The following KHDRBS2 variants were observed in gnomAD, a reference collection of about 807,000 sequenced individuals.
KHDRBS2 encodes the protein KH RNA binding domain containing, signal transduction associated 2.
Under a neutral mutation model 44.3 loss-of-function variants are expected in KHDRBS2, and 26 were observed. The observed-to-expected ratio is 0.59, with a 90% CI of 0.43 to 0.81. KHDRBS2 has a LOEUF of 0.81. Ranked by LOEUF, KHDRBS2 falls within the 40% of genes least tolerant of loss-of-function variation. KHDRBS2 has a pLI of 0.00. For missense variants in KHDRBS2, 476 were observed against 433.1 expected, an observed-to-expected ratio of 1.10 and a Z score of -0.88; for synonymous variants, 194 against 151.1, an observed-to-expected ratio of 1.28 and a Z score of -2.08.
At chr6:61,578,133 G>A in the KHDRBS2 span, among the ~76,000 whole-genome samples, 1 of 152,104 alleles carries the variant, frequency 6.6e-6, no homozygotes, top group Non-Finnish European at 1.5e-5. Flanking sequence ...AACACTCAGA[G>A]CAAGAGAAGG....
intron 3 of KHDRBS2, among the ~76,000 whole-genome samples, chr6:62,046,291 A>T (rs1454668786): frequency 6.6e-6 from 1 of 151,982 alleles, no homozygotes; most frequent in Non-Finnish European, 1.5e-5. Flanking sequence ...AAATGTCCAA[A>T]TATATGAGAA....
chr6:62,278,435 A>AT, intron 1 of KHDRBS2, among the ~76,000 whole-genome samples: 1 of 152,300 alleles, frequency 6.6e-6, no homozygotes, highest in African/African-American at 2.4e-5. Flanking sequence ...GTACCAGGCC[A>AT]TAAAAAAACC....
At chr6:62,243,448 T>C (rs1437047707) in intron 1 of KHDRBS2, among the ~76,000 whole-genome samples, 4 of 152,014 alleles carry the variant, frequency 2.6e-5, no homozygotes, top group Admixed American at 2.6e-4. Flanking sequence ...ATCAAAATGA[T>C]CACACTGCTA....
At chr6:62,148,482 C>A (rs1271524983) in intron 2 of KHDRBS2, among the ~76,000 whole-genome samples, 1 of 151,820 alleles carries the variant, frequency 6.6e-6, no homozygotes, top group African/African-American at 2.4e-5. Context: ...TCCATCATAA[C>A]CACTGTGAAA....
At chr6:62,194,324 A>G (rs992951205) in intron 1 of KHDRBS2, among the ~76,000 whole-genome samples, 1 of 151,528 alleles carries the variant, frequency 6.6e-6, no homozygotes, top group African/African-American at 2.4e-5. Flanking sequence ...TGAAATGACT[A>G]TTTTTTTCCA....
chr6:62,132,292 T>C (rs543775677), intron 2 of KHDRBS2, among the ~76,000 whole-genome samples: 12 of 152,346 alleles, frequency 7.9e-5, no homozygotes, highest in African/African-American at 2.9e-4. Context: ...GAAGATGTCA[T>C]GTAGGACACC....
At chr6:61,772,861 A>G (rs966674762) in intron 6 of KHDRBS2, among the ~76,000 whole-genome samples, 13 of 151,926 alleles carry the variant, frequency 8.6e-5, no homozygotes, top group Non-Finnish European at 1.8e-4. Context: ...TAATTGTTCA[A>G]TTCCCACCTA....
the KHDRBS2 span, among the ~76,000 whole-genome samples, chr6:61,662,293 C>T: frequency 8.6e-5 from 13 of 151,572 alleles, no homozygotes; most frequent in Non-Finnish European, 1.6e-4. Flanking sequence ...ACCATAAAAA[C>T]CCTAGAAGAA....
At chr6:62,095,165 G>GA in intron 2 of KHDRBS2, among the ~76,000 whole-genome samples, 1 of 151,652 alleles carries the variant, frequency 6.6e-6, no homozygotes, top group South Asian at 2.1e-4. Flanking sequence ...TTCTACATCT[G>GA]AAAAAGAAAT....
chr6:61,989,177 C>G (rs1261177788), intron 3 of KHDRBS2, among the ~76,000 whole-genome samples: 1 of 152,086 alleles, frequency 6.6e-6, no homozygotes, highest in Non-Finnish European at 1.5e-5. Flanking sequence ...TATATATAAA[C>G]CCTTTTGGAG....
chr6:61,986,307 A>G (rs1424948340), intron 3 of KHDRBS2, among the ~76,000 whole-genome samples: 3 of 152,218 alleles, frequency 2.0e-5, no homozygotes, highest in Non-Finnish European at 4.4e-5. Flanking sequence ...GGGGTTTGAA[A>G]ATGGTCTGCC....
At chr6:62,063,300 A>G (rs1584452890) in intron 2 of KHDRBS2, among the ~76,000 whole-genome samples, 2 of 150,876 alleles carry the variant, frequency 1.3e-5, no homozygotes, top group South Asian at 4.3e-4. Flanking sequence ...TCATTCTGAT[A>G]CCAAAGCCGG....
chr6:61,765,021 A>G (rs1447812607), intron 6 of KHDRBS2, among the ~76,000 whole-genome samples: 1 of 152,230 alleles, frequency 6.6e-6, no homozygotes, highest in East Asian at 1.9e-4. Flanking sequence ...TAATAATAAT[A>G]GAACTATTCT....
chr6:61,558,060 T>A, the KHDRBS2 span, among the ~76,000 whole-genome samples: 9 of 152,100 alleles, frequency 5.9e-5, no homozygotes, highest in African/African-American at 1.9e-4. Flanking sequence ...AAATTTTTAA[T>A]CTTTTTTTTA....
At chr6:61,900,928 G>C (rs990110006) in intron 5 of KHDRBS2, among the ~76,000 whole-genome samples, 27 of 152,162 alleles carry the variant, frequency 1.8e-4, no homozygotes, top group African/African-American at 6.3e-4. Flanking sequence ...TTATTTTCTA[G>C]AGGTAGTTGT....
chr6:62,016,471 C>T (rs1781219841), intron 3 of KHDRBS2, among the ~76,000 whole-genome samples: 1 of 150,628 alleles, frequency 6.6e-6, no homozygotes, highest in African/African-American at 2.4e-5. Flanking sequence ...GAAACATATA[C>T]ACATATGTAT....
intron 1 of KHDRBS2, among the ~76,000 whole-genome samples, chr6:62,253,078 A>G (rs1304033987): frequency 6.6e-6 from 1 of 152,046 alleles, no homozygotes; most frequent in Non-Finnish European, 1.5e-5. Flanking sequence ...TTCTATAAAC[A>G]GCATATACAA....
chr6:62,071,345 T>C (rs1302760136), intron 2 of KHDRBS2, among the ~76,000 whole-genome samples: 3 of 152,212 alleles, frequency 2.0e-5, no homozygotes, highest in South Asian at 2.1e-4. Context: ...TTGAGTTTAA[T>C]TAGATTCCAT....
chr6:61,829,320 C>T (rs1243167251), intron 6 of KHDRBS2, among the ~76,000 whole-genome samples: 1 of 152,132 alleles, frequency 6.6e-6, no homozygotes, highest in Non-Finnish European at 1.5e-5. Context: ...CACCGCCACG[C>T]TCAGCTAAAT....
Sources: allele counts gnomAD v4.1 joint callset (sites outside exome capture counted in the v4.1 genomes callset), GRCh38; gene constraint gnomAD v4.1.1; transcripts MANE v1.5; gene names NCBI Gene and HGNC (gene_info 2026-07-23, HGNC 2026-07-21).